The following ANKRD30B variants were observed in gnomAD, a reference collection of about 807,000 sequenced individuals.
ANKRD30B encodes the protein ankyrin repeat domain 30B, also known as ankyrin repeat domain-containing protein 30B.
In ANKRD30B, 144 loss-of-function variants were observed where a neutral mutation model predicts 202.2. That is an observed-to-expected ratio of 0.71 (90% CI 0.62 to 0.82). The LOEUF (loss-of-function observed/expected upper bound fraction) is 0.82. ANKRD30B is among the 40% of genes least tolerant of loss of function. The pLI, the probability that ANKRD30B is intolerant of heterozygous loss-of-function variation, is 0.00. For missense variants in ANKRD30B, 1,487 were observed against 1,669.1 expected, an observed-to-expected ratio of 0.89 and a Z score of 1.90; for synonymous variants, 508 against 561.3, an observed-to-expected ratio of 0.91 and a Z score of 1.34.
At chr18:14,931,897 C>A in the ANKRD30B span, among the ~76,000 whole-genome samples, 2 of 151,652 alleles carry the variant, frequency 1.3e-5, no homozygotes, top group African/African-American at 4.8e-5. Flanking sequence ...GCCCTCTGTC[C>A]CAGGCCCCCC....
At chr18:14,787,220 A>G in intron 15 of ANKRD30B, 120 bp downstream of exon 15, 3 of 826,918 alleles carry the variant, frequency 3.6e-6, no homozygotes, top group Non-Finnish European at 5.5e-6. Context: ...ATTTTTTGAT[A>G]TTTTTCAGAA....
intron 39 of ANKRD30B, among the ~76,000 whole-genome samples, chr18:14,844,947 A>C (rs115079445): frequency 6.8e-6 from 1 of 147,604 alleles, no homozygotes; most frequent in African/African-American, 2.5e-5. Flanking sequence ...ATTTTTTTTT[A>C]AAACTTGTTT....
the ANKRD30B span, among the ~76,000 whole-genome samples, chr18:14,898,525 G>A: frequency 6.6e-6 from 1 of 152,214 alleles, no homozygotes; most frequent in East Asian, 1.9e-4. Context: ...ACCAGTACCA[G>A]TCCCCAGCCC....
chr18:14,940,205 G>A, the ANKRD30B span, among the ~76,000 whole-genome samples: 10 of 152,198 alleles, frequency 6.6e-5, no homozygotes, highest in Admixed American at 5.2e-4. Context: ...TCCAGGACTA[G>A]GAATGTCACC....
the ANKRD30B span, chr18:14,883,387 C>G: frequency 1.0e-5 from 1 of 96,922 alleles, no homozygotes. Flanking sequence ...CTCTCTCTCT[C>G]TCTCTCTCTC....
the ANKRD30B span, among the ~76,000 whole-genome samples, chr18:14,939,436 T>C: frequency 9.9e-5 from 15 of 152,114 alleles, no homozygotes; most frequent in Non-Finnish European, 1.8e-4. Flanking sequence ...ATGTATGACA[T>C]TGTGGGTGAC....
intron 9 of ANKRD30B, among the ~76,000 whole-genome samples, chr18:14,776,319 C>G (rs1264531698): frequency 5.9e-5 from 9 of 152,128 alleles, no homozygotes; most frequent in Non-Finnish European, 1.3e-4. Flanking sequence ...CACTTATAAG[C>G]CACTATAACT....
At chr18:14,771,071 AGTTGG>A (rs1966972980) in intron 8 of ANKRD30B, among the ~76,000 whole-genome samples, 2 of 152,292 alleles carry the variant, frequency 1.3e-5, no homozygotes, top group South Asian at 4.1e-4. Context: ...GTCGTGGTTC[AGTTGG>A]GTTTTTGGTA....
chr18:14,902,986 C>T, the ANKRD30B span, among the ~76,000 whole-genome samples: 18 of 152,176 alleles, frequency 1.2e-4, no homozygotes, highest in Non-Finnish European at 5.9e-5. Context: ...TGATTTAAAA[C>T]AATTCACACA....
rs1173197977 is a variant in ANKRD30B, at chr18:14,763,832, G to A, written c.967G>A (p.Ala323Thr). Residue 323 changes from alanine (A) to threonine (T), a missense_variant, in exon 7 of 44, where the codon GCA becomes ACA. Transcript: ENST00000690538. Reference sequence around the variant, plus strand: ...TGCCAAAATTCAATGTCTGGGGAAAGCAACATCTGGAAAGTTTGAACAGTC... The same window carrying A: ...TGCCAAAATTCAATGTCTGGGGAAAACAACATCTGGAAAGTTTGAACAGTC... The part of the protein sequence containing the change: ...TSAKIQCLGK[A>T]TSGKFEQSTE... 2.5e-6 allele frequency: 4 copies of A among 1,613,266 alleles called. No homozygotes were observed. The African/African-American group carries it at 4.0e-5, about 16-fold the overall frequency.
At chr18:14,844,509 G>T (rs1971550724) in intron 39 of ANKRD30B, among the ~76,000 whole-genome samples, 1 of 152,162 alleles carries the variant, frequency 6.6e-6, no homozygotes, top group African/African-American at 2.4e-5. Flanking sequence ...TTGGTTCCAA[G>T]CCTTTGCTAT....
intron 9 of ANKRD30B, among the ~76,000 whole-genome samples, chr18:14,774,275 A>T (rs1249960036): frequency 6.6e-6 from 1 of 152,142 alleles, no homozygotes; most frequent in Non-Finnish European, 1.5e-5. Flanking sequence ...CATATATCTT[A>T]TAGTTGTTGT....
intron 36 of ANKRD30B, among the ~76,000 whole-genome samples, chr18:14,839,955 AC>A (rs1171447571): frequency 6.6e-6 from 1 of 152,198 alleles, no homozygotes; most frequent in Non-Finnish European, 1.5e-5. Context: ...TTTGGTGAGG[AC>A]TACAGTGTAA....
At chr18:14,918,047 A>T in the ANKRD30B span, among the ~76,000 whole-genome samples, 2 of 152,182 alleles carry the variant, frequency 1.3e-5, no homozygotes, top group Non-Finnish European at 2.9e-5. Context: ...CCTGTAAGAA[A>T]GCCCAGCAAG....
the ANKRD30B span, among the ~76,000 whole-genome samples, chr18:14,934,653 A>G: frequency 1.3e-3 from 192 of 152,252 alleles, no homozygotes; most frequent in Non-Finnish European, 2.5e-3. Flanking sequence ...AGGCTAGGGC[A>G]TCTGGGGCTG....
chr18:14,853,142 T>A (rs1348070015), intron 42 of ANKRD30B, among the ~76,000 whole-genome samples: 3 of 151,952 alleles, frequency 2.0e-5, no homozygotes, highest in Non-Finnish European at 4.4e-5. Context: ...TTGTTACAAA[T>A]CATTTGCTCA....
the ANKRD30B span, among the ~76,000 whole-genome samples, chr18:14,864,597 C>G: frequency 6.6e-6 from 1 of 151,804 alleles, no homozygotes; most frequent in Non-Finnish European, 1.5e-5. Flanking sequence ...CACCCATCTA[C>G]CCCAAAACTT....
chr18:14,804,590 A>G (rs1379618917), intron 24 of ANKRD30B, among the ~76,000 whole-genome samples: 1 of 150,700 alleles, frequency 6.6e-6, no homozygotes, highest in African/African-American at 2.5e-5. Context: ...GCAAGATGAG[A>G]GACCTTTGTG....
In ANKRD30B at chr18:14,814,697, G is replaced by A. The variant is rs745433040; in HGVS notation, c.2627G>A (p.Ser876Asn). 2.9e-6 allele frequency: 3 copies of A among 1,040,292 alleles called. No individual in the cohort carries two copies. The highest frequency in any genetic ancestry group is 3.9e-6 in the Non-Finnish European group (3 of 763,300). 64.4% of individuals were successfully genotyped at this position (1,040,292 alleles called of 1,614,324 possible). The change falls in exon 30 of 44, where the codon AGT (serine) becomes AAT (asparagine). Residue 876 changes from serine (S) to asparagine (N), a missense_variant. Physicochemically the swap from Ser to Asn is conservative, Grantham distance 46. Around this residue, in one of 6 missense-constraint regions of ANKRD30B, gnomAD observed 218 missense variants for 320.1 expected, o/e 0.68. Coordinates refer to ENST00000690538, the MANE Select transcript of ANKRD30B (RefSeq NM_001367607.2). ...CATCAAAAAGAATTCGATACCTTAA[G>A]TGGAAAATTAGAAGGTAAGAACCAT... is the stretch of plus-strand genomic sequence containing the variant. ...ATHQKEFDTL[S>N]GKLEESPDKD...
Sources: gnomAD v4.1 joint callset for allele counts (sites outside exome capture counted in the v4.1 genomes callset) on GRCh38, gnomAD v4.1.1 for gene constraint, gnomAD v4.1.1 regional missense constraint, MANE v1.5 for transcripts, NCBI Gene and HGNC (gene_info 2026-07-23, HGNC 2026-07-21) for gene names.